The following HTR4 variants were observed in gnomAD, a reference collection of about 807,000 sequenced individuals.
HTR4 encodes the protein 5-hydroxytryptamine (serotonin) receptor 4, G protein-coupled.
Under a neutral mutation model 36.8 loss-of-function variants are expected in HTR4, and 16 were observed. The ratio of observed to expected loss-of-function variants is 0.43; its 90% CI spans 0.29 to 0.66. The LOEUF is 0.66. Ranked by LOEUF, HTR4 falls within the 30% of genes least tolerant of loss-of-function variation. HTR4 has a pLI of 0.13. For missense variants in HTR4, 438 were observed against 490.9 expected (o/e 0.89, Z 1.02); for synonymous variants, 189 against 185.1 (o/e 1.02, Z -0.17).
chr5:148,562,808 A>T (rs1760272871), intron 2 of HTR4, among the ~76,000 whole-genome samples: 1 of 152,182 alleles, frequency 6.6e-6, no homozygotes, highest in African/African-American at 2.4e-5. Flanking sequence ...TTCTACCTCC[A>T]GTACATCAGC....
At chr5:148,476,678 C>A (rs962035381), downstream of HTR4, 2 of 1,590,744 alleles carry the variant, frequency 1.3e-6, no homozygotes, top group African/African-American at 1.4e-5. Context: ...GTACAAAAAC[C>A]TGTGTTGGGC....
intron 2 of HTR4, among the ~76,000 whole-genome samples, chr5:148,555,407 A>G (rs1158921436): frequency 1.3e-5 from 2 of 152,246 alleles, no homozygotes; most frequent in Non-Finnish European, 2.9e-5. Context: ...TGGCATGCCA[A>G]TTAGGAGTTA....
At chr5:148,476,809 A>G (rs1394739340), downstream of HTR4, 29 of 1,608,628 alleles carry the variant, frequency 1.8e-5, no homozygotes, top group Non-Finnish European at 2.5e-5. Flanking sequence ...TCAAAATGTC[A>G]CAGGAGAAGA....
intron 1 of HTR4, among the ~76,000 whole-genome samples, chr5:148,650,197 G>A (rs1187929226): frequency 3.9e-5 from 6 of 152,096 alleles, no homozygotes; most frequent in African/African-American, 1.4e-4. Flanking sequence ...TTATTCTGTT[G>A]CTCATGAAAG....
intron 1 of HTR4, among the ~76,000 whole-genome samples, chr5:148,644,513 T>C (rs986389108): frequency 2.3e-5 from 3 of 131,228 alleles, no homozygotes; most frequent in Non-Finnish European, 3.1e-5. Flanking sequence ...TGATAAGGAC[T>C]AAATGCACAT....
In HTR4 at chr5:148,481,669, T is replaced by C. The variant is rs961774850; in HGVS notation, c.*1534A>G. 8.7e-6 allele frequency: 13 copies of C among 1,488,746 alleles called. No individual in the cohort carries two copies. The highest frequency in any genetic ancestry group is 1.1e-5 in the Non-Finnish European group (13 of 1,133,344). 92.2% of individuals were successfully genotyped at this position (1,488,746 alleles called of 1,614,324 possible). A position where few individuals can be genotyped will look rare whatever the true frequency, so the allele number is the denominator to read the frequency against. ...AATGGAAACAATAACTGACACCTTA[T>C]AAGCAATAAGAAAAAAAGAGAATAT... On this transcript the variant is annotated 3_prime_UTR_variant, in exon 7 of 7. Coordinates refer to ENST00000377888, the MANE Select transcript of HTR4 (RefSeq NM_000870.7).
intron 5 of HTR4, among the ~76,000 whole-genome samples, chr5:148,455,528 G>A (rs1338319563): frequency 2.0e-5 from 3 of 152,186 alleles, no homozygotes; most frequent in South Asian, 2.1e-4. Flanking sequence ...TGGGAATGGA[G>A]TGGATATTCC....
intron 2 of HTR4, among the ~76,000 whole-genome samples, chr5:148,636,514 A>G (rs1753543438): frequency 6.6e-6 from 1 of 152,206 alleles, no homozygotes; most frequent in Non-Finnish European, 1.5e-5. Context: ...AAACAAATCA[A>G]AACGAAACAA....
intron 4 of HTR4, among the ~76,000 whole-genome samples, chr5:148,544,692 T>A (rs17706683): frequency 0.034 from 5,118 of 152,284 alleles, 133 homozygotes; most frequent in Middle Eastern, 0.051. Flanking sequence ...GGAAATTATT[T>A]TTAAGGAGGC....
At chr5:148,521,103 C>T in intron 5 of HTR4, 2 of 1,110,354 alleles carry the variant, frequency 1.8e-6, no homozygotes, top group South Asian at 2.8e-5. Flanking sequence ...CCGGGGACCA[C>T]TTCTACAGCA....
intron 5 of HTR4, among the ~76,000 whole-genome samples, chr5:148,458,937 T>C (rs1251032325): frequency 6.6e-6 from 1 of 151,906 alleles, no homozygotes; most frequent in East Asian, 1.9e-4. Context: ...AATTAGGAGG[T>C]GTATTAGCTT....
chr5:148,482,626 C>T lies in HTR4; in HGVS notation c.*577G>A, dbSNP rs1755942793. On this transcript the variant is annotated 3_prime_UTR_variant, in exon 7 of 7. Coordinates refer to ENST00000377888, the MANE Select transcript of HTR4 (RefSeq NM_000870.7). Reference sequence around the variant, plus strand: ...CAAGGGGGCCAACCAAGAGGATGCACGTTTGGACCCAGACACAGGGAGAAA... The same window carrying T: ...CAAGGGGGCCAACCAAGAGGATGCATGTTTGGACCCAGACACAGGGAGAAA... The T allele has an allele frequency of 2.0e-6, 2 of 988,326 alleles. No homozygotes were observed. Among genetic ancestry groups the T allele is most frequent in the Non-Finnish European group, 2.4e-6 (2 of 831,646 alleles). 61.2% of individuals were successfully genotyped at this position (988,326 alleles called of 1,614,324 possible).
intron 5 of HTR4, among the ~76,000 whole-genome samples, chr5:148,456,842 C>T (rs78158677): frequency 0.033 from 5,041 of 152,266 alleles, 282 homozygotes; most frequent in African/African-American, 0.11. Context: ...AGATAATGCA[C>T]ATATAATGTT....
At chr5:148,543,494 A>G (rs1759222225) in intron 4 of HTR4, among the ~76,000 whole-genome samples, 1 of 152,204 alleles carries the variant, frequency 6.6e-6, no homozygotes, top group African/African-American at 2.4e-5. Context: ...GTTGGTAAAA[A>G]CATTACATTC....
At chr5:148,596,097 C>T (rs879480003) in intron 2 of HTR4, among the ~76,000 whole-genome samples, 1 of 152,148 alleles carries the variant, frequency 6.6e-6, no homozygotes, top group Non-Finnish European at 1.5e-5. Context: ...TAAGCAAATG[C>T]TAATGAGAAG....
intron 5 of HTR4, among the ~76,000 whole-genome samples, chr5:148,467,739 TG>T (rs1245837244): frequency 2.6e-5 from 4 of 152,262 alleles, no homozygotes; most frequent in Non-Finnish European, 5.9e-5. Context: ...CTGAGACCTC[TG>T]GCTGTTTGCA....
In HTR4 at chr5:148,502,593, TC is replaced by T. The variant is rs368181500; in HGVS notation, c.1076+6862del. ...AAAGTTCTAAAAATCAGAGCACCTC[TC>T]CCCCTACAAAGGAGTGCAGCTCCTC... On this transcript the variant is annotated intron_variant, in intron 6 of 6. Coordinates refer to ENST00000377888, the MANE Select transcript of HTR4 (RefSeq NM_000870.7). 1.8e-3 allele frequency among the ~76,000 whole-genome samples: 271 copies of T among 152,186 alleles called. 9 individuals are homozygous for T. The East Asian group carries it at 0.036, about 20-fold the overall frequency.
chr5:148,590,018 C>CA (rs2127256927), intron 2 of HTR4, among the ~76,000 whole-genome samples: 1 of 152,234 alleles, frequency 6.6e-6, no homozygotes, highest in Admixed American at 6.5e-5. Context: ...ACTCCCTAAT[C>CA]CTTGGCAACC....
intron 5 of HTR4, among the ~76,000 whole-genome samples, chr5:148,468,896 A>T: frequency 6.6e-6 from 1 of 152,086 alleles, no homozygotes; most frequent in East Asian, 1.9e-4. Flanking sequence ...TAGTTTTATA[A>T]GAGACTTTTT....
Sources: allele counts gnomAD v4.1 joint callset (sites outside exome capture counted in the v4.1 genomes callset), GRCh38; gene constraint gnomAD v4.1.1; transcripts MANE v1.5; gene names NCBI Gene and HGNC (gene_info 2026-07-23, HGNC 2026-07-21).